The following SHB variants were observed in gnomAD, a reference collection of about 807,000 sequenced individuals.
SHB encodes SH2 domain-containing adapter protein B.
In SHB, 20 loss-of-function variants were observed where a neutral mutation model predicts 52.3. That is an observed-to-expected ratio of 0.38 (90% confidence interval 0.27 to 0.56). The LOEUF (loss-of-function observed/expected upper bound fraction) is 0.56, where lower values mean the gene tolerates loss of function less well. Ranked by LOEUF, SHB falls within the 20% of genes least tolerant of loss-of-function variation. The pLI is 0.71. For missense variants in SHB, 825 were observed against 723.3 expected, an observed-to-expected ratio of 1.14 and a Z score of -1.61; for synonymous variants, 397 against 316.5, an observed-to-expected ratio of 1.25 and a Z score of -2.70.
chr9:38,066,652 T>G (rs960417199), intron 1 of SHB, among the ~76,000 whole-genome samples: 1 of 152,138 alleles, frequency 6.6e-6, no homozygotes, highest in Admixed American at 6.5e-5. Flanking sequence ...TTCCACGGAC[T>G]GCCCATGCAG....
At chr9:38,022,143 A>C (rs1587248534) in intron 1 of SHB, among the ~76,000 whole-genome samples, 1 of 152,196 alleles carries the variant, frequency 6.6e-6, no homozygotes, top group Non-Finnish European at 1.5e-5. Context: ...GGGGGCCACT[A>C]ATCTCTTAGA....
chr9:37,933,767 C>T (rs1832338887), intron 5 of SHB, among the ~76,000 whole-genome samples: 1 of 152,210 alleles, frequency 6.6e-6, no homozygotes, highest in South Asian at 2.1e-4. Context: ...CAAGACAACC[C>T]ATTCCAAACA....
intron 1 of SHB, among the ~76,000 whole-genome samples, chr9:38,036,170 C>A (rs1435052140): frequency 1.3e-5 from 2 of 152,180 alleles, no homozygotes; most frequent in Non-Finnish European, 2.9e-5. Flanking sequence ...TCAAGCCCTG[C>A]TGCCCCATAA....
At position 37,916,265 on chromosome 9, in the gene SHB, C is replaced by T. The variant is rs753001183; in HGVS notation, c.*3556G>A. On this transcript the variant is annotated 3_prime_UTR_variant, in exon 6 of 6. Transcript: ENST00000377707. ...CAGTTGGCTGGACAGCTGCCTGATT[C>T]GGCCATGACCCTTCACGGGTGTCTG... Among the ~76,000 whole-genome samples, 11 of 152,242 alleles carry T rather than the reference C, an allele frequency of 7.2e-5. No homozygotes were observed. The highest frequency in any genetic ancestry group is 1.3e-4 in the Non-Finnish European group (9 of 68,042).
Position 37,934,492 on chromosome 9 carries a change from C to T in SHB, c.1346+14143G>A, listed in dbSNP as rs139007197. Among the ~76,000 whole-genome samples the T allele has an allele frequency of 8.3e-3, 1,262 of 151,938 alleles. 10 individuals are homozygous for T. The highest frequency in any genetic ancestry group is 0.027 in the Middle Eastern group (8 of 294). ...TAATTTTTTTTTTTTGTAGAGACCTCGTCTCACTATGTTGCCCAGGCTGGT... is the reference window on the plus strand; with the variant it reads ...TAATTTTTTTTTTTTGTAGAGACCTTGTCTCACTATGTTGCCCAGGCTGGT... On this transcript the variant is annotated intron_variant, in intron 5 of 5. Coordinates refer to ENST00000377707, the MANE Select transcript of SHB (RefSeq NM_003028.3).
intron 5 of SHB, among the ~76,000 whole-genome samples, chr9:37,923,646 C>G (rs1393840769): frequency 6.6e-6 from 1 of 152,198 alleles, no homozygotes; most frequent in African/African-American, 2.4e-5. Context: ...TGACTCCCAC[C>G]TTCACACAAA....
intron 3 of SHB, among the ~76,000 whole-genome samples, chr9:37,961,905 C>T (rs1280966215): frequency 6.6e-6 from 1 of 152,184 alleles, no homozygotes; most frequent in Non-Finnish European, 1.5e-5. Context: ...GCCTCAGTCT[C>T]CTCGGAGTCT....
intron 1 of SHB, among the ~76,000 whole-genome samples, chr9:38,023,664 C>A (rs1014790582): frequency 1.3e-5 from 2 of 151,952 alleles, no homozygotes; most frequent in Non-Finnish European, 2.9e-5. Flanking sequence ...GCCCTTTTTT[C>A]CCCCCTTTCC....
At chr9:37,974,030 G>A (rs893940825) in intron 3 of SHB, among the ~76,000 whole-genome samples, 4 of 152,178 alleles carry the variant, frequency 2.6e-5, no homozygotes, top group South Asian at 4.1e-4. Flanking sequence ...CGAGGTGGGC[G>A]GATCACCTGA....
At chr9:37,983,811 C>T (rs543921048) in intron 2 of SHB, among the ~76,000 whole-genome samples, 8 of 152,326 alleles carry the variant, frequency 5.3e-5, no homozygotes, top group African/African-American at 1.9e-4. Context: ...GCTCAGGGCC[C>T]CAGCGGTGTC....
intron 5 of SHB, among the ~76,000 whole-genome samples, chr9:37,929,043 G>A (rs567525246): frequency 6.6e-6 from 1 of 152,258 alleles, no homozygotes; most frequent in African/African-American, 2.4e-5. Flanking sequence ...GGGCTGGAGA[G>A]GGGGGTGGGC....
chr9:38,067,834 G>C, intron 1 of SHB, 95 bp downstream of exon 1: 1 of 1,295,272 alleles, frequency 7.7e-7, no homozygotes, highest in South Asian at 1.7e-5. Context: ...GGCCGAAGCT[G>C]AAGTAGAGAC....
chr9:38,031,255 A>T (rs1011144423), intron 1 of SHB, among the ~76,000 whole-genome samples: 13 of 152,214 alleles, frequency 8.5e-5, no homozygotes, highest in African/African-American at 2.7e-4. Flanking sequence ...CGGGAGGCAG[A>T]GGTTGCAGTG....
intron 2 of SHB, among the ~76,000 whole-genome samples, chr9:37,990,579 T>C (rs1193688942): frequency 6.6e-6 from 1 of 152,248 alleles, no homozygotes; most frequent in Non-Finnish European, 1.5e-5. Context: ...ACTGTACTCA[T>C]AGACTGTTGG....
At chr9:37,963,115 C>T (rs2117936111) in intron 3 of SHB, among the ~76,000 whole-genome samples, 1 of 152,286 alleles carries the variant, frequency 6.6e-6, no homozygotes, top group Non-Finnish European at 1.5e-5. Context: ...GAAGAGCTGA[C>T]AGTCTGCCGC....
rs557296129 is a variant in SHB, at chr9:37,922,039, A to T, written c.1347-2035T>A. Among the ~76,000 whole-genome samples, 14 of 152,340 alleles carry T rather than the reference A, an allele frequency of 9.2e-5. No homozygotes were observed. In the South Asian group the frequency reaches 2.9e-3, roughly 32 times the overall value. On this transcript the variant is annotated intron_variant, in intron 5 of 5. Coordinates refer to ENST00000377707, the MANE Select transcript of SHB (RefSeq NM_003028.3). ...CAGGGAGGAGGGTATGACCCTGGGC[A>T]CATCATTCCCCTCTGCGTGCATGCA...
At chr9:37,943,637 C>T (rs2117876329) in intron 5 of SHB, among the ~76,000 whole-genome samples, 1 of 152,318 alleles carries the variant, frequency 6.6e-6, no homozygotes, top group East Asian at 1.9e-4. Flanking sequence ...GGGGCTGGGT[C>T]CTTGTCAAAG....
At chr9:38,023,926 T>C (rs1821311234) in intron 1 of SHB, among the ~76,000 whole-genome samples, 1 of 152,232 alleles carries the variant, frequency 6.6e-6, no homozygotes, top group African/African-American at 2.4e-5. Flanking sequence ...ACTATCATCA[T>C]AGACCAACTC....
intron 3 of SHB, among the ~76,000 whole-genome samples, chr9:37,972,599 G>A (rs997868152): frequency 6.6e-6 from 1 of 152,232 alleles, no homozygotes; most frequent in Non-Finnish European, 1.5e-5. Context: ...AGGGGCAGCA[G>A]GAAGCCTGTG....
Sources: allele counts gnomAD v4.1 joint callset (sites outside exome capture counted in the v4.1 genomes callset), GRCh38; gene constraint gnomAD v4.1.1; transcripts MANE v1.5; gene names NCBI Gene and HGNC (gene_info 2026-07-23, HGNC 2026-07-21).